SZT2: variants seen among roughly 807,000 people sequenced by gnomAD.
SZT2 encodes the protein KICSTOR complex protein SZT2.
In SZT2, 216 loss-of-function variants were observed where a neutral mutation model predicts 404.2. The observed-to-expected ratio is 0.53, with a 90% CI of 0.48 to 0.60. The LOEUF is 0.60. Among genes scored for constraint, SZT2 ranks in the 20% least tolerant of loss-of-function variants. The pLI, the probability that SZT2 is intolerant of heterozygous loss-of-function variation, is 0.00. For synonymous variants in SZT2, 1,693 were observed against 1,749.9 expected (o/e 0.97, Z 0.81); for missense variants, 3,857 against 4,459.2 (o/e 0.86, Z 3.85).
chr1:43,453,717 G>GCCCGCAC lies in SZT2; in HGVS notation c.*3240_*3246dup. 2 of 1,396,058 alleles carry GCCCGCAC rather than the reference G, an allele frequency of 1.4e-6. No homozygotes were observed. The highest frequency in any genetic ancestry group is 3.2e-5 in the South Asian group (2 of 62,852). The allele number at this position is 1,396,058 out of a possible 1,614,324, so 86.5% of individuals were successfully genotyped here. A position where few individuals can be genotyped will look rare whatever the true frequency, so the allele number is the denominator to read the frequency against. ...GGCCTCGAAGCCCGAGCTGCCCGCG[G>GCCCGCAC]CCCGCACCCGCGCGGGGAGGCCGGA... On this transcript the variant is annotated 3_prime_UTR_variant, in exon 72 of 72. Coordinates refer to ENST00000634258, the MANE Select transcript of SZT2 (RefSeq NM_001365999.1).
chr1:43,421,758 T>C (rs1381823769), intron 11 of SZT2, among the ~76,000 whole-genome samples: 1 of 152,246 alleles, frequency 6.6e-6, no homozygotes, highest in Non-Finnish European at 1.5e-5. Context: ...AGGTGGCTTA[T>C]GCTAGTGTGC....
In SZT2 at chr1:43,389,938, C is replaced by G. The variant is rs763537652; in HGVS notation, c.-31C>G. 3.4e-6 allele frequency: 5 copies of G among 1,479,806 alleles called. No homozygotes were observed. Among genetic ancestry groups the G allele is most frequent in the Non-Finnish European group, 3.6e-6 (4 of 1,115,546 alleles). The allele number at this position is 1,479,806 out of a possible 1,614,324, so 91.7% of individuals were successfully genotyped here. On this transcript the variant is annotated 5_prime_UTR_variant, in exon 1 of 72. Transcript: ENST00000634258. ...AGGGGTCAAGAGTGGAACACCCTCA[C>G]TGGCCCGGGCCGGCGCGGGAGGGCT...
chr1:43,443,281 G>T lies in SZT2; in HGVS notation c.8499+14G>T. 6.2e-7 allele frequency: 1 copy of T among 1,614,160 alleles called. No homozygotes were observed. Among genetic ancestry groups the T allele is most frequent in the Non-Finnish European group, 8.5e-7 (1 of 1,180,008 alleles). On this transcript the variant is annotated intron_variant, in intron 60 of 71. Coordinates refer to ENST00000634258, the MANE Select transcript of SZT2 (RefSeq NM_001365999.1). ...ATGCCCATCAGTGTGAGTGACCCCA[G>T]CTTGCATCTTCCTTGAGTATCTGTG...
chr1:43,432,188 G>C, intron 36 of SZT2, 84 bp from the exon 37 acceptor site: 1 of 1,398,038 alleles, frequency 7.2e-7, no homozygotes, highest in South Asian at 1.4e-5. Flanking sequence ...CAGGTAGTTA[G>C]GAGCGTCTCA....
At position 43,430,628 on chromosome 1, in the gene SZT2, A is replaced by G; in HGVS notation, c.4613A>G (p.Asn1538Ser). Reference protein sequence around the residue: ...SASLSDVDTVNPDEDSFSILG... With the variant: ...SASLSDVDTVSPDEDSFSILG... Reference sequence around the variant, plus strand: ...TCGCTGTCAGACGTAGACACTGTGAATCCTGATGAAGACTCCTTCAGTATC... The same window carrying G: ...TCGCTGTCAGACGTAGACACTGTGAGTCCTGATGAAGACTCCTTCAGTATC... The change falls in exon 32 of 72, where the codon AAT becomes AGT. Residue 1538 changes from asparagine (N) to serine (S), a missense_variant. This residue lies in a region of SZT2 where 1,725 missense variants were observed against 1,881.0 expected (regional missense o/e 0.92). Coordinates refer to ENST00000634258, the MANE Select transcript of SZT2 (RefSeq NM_001365999.1). 6.2e-7 allele frequency: 1 copy of G among 1,614,026 alleles called. No individual in the cohort carries two copies. Among genetic ancestry groups the G allele is most frequent in the Non-Finnish European group, 8.5e-7 (1 of 1,180,008 alleles).
Position 43,446,264 on chromosome 1 carries a change from G to A in SZT2, c.8997+5G>A. ...CTCATGGAACTGGCATTCCAGGTAA[G>A]CAGGAGGAGCACTGAGTGGAGACAG... On this transcript the variant is annotated splice_donor_5th_base_variant and intron_variant, in intron 64 of 71. Coordinates refer to ENST00000634258, the MANE Select transcript of SZT2 (RefSeq NM_001365999.1). 6.2e-7 allele frequency: 1 copy of A among 1,614,256 alleles called. No homozygotes were observed. The highest frequency in any genetic ancestry group is 8.5e-7 in the Non-Finnish European group (1 of 1,180,056).
At position 43,453,073 on chromosome 1, in the gene SZT2, C is replaced by T. The variant is rs928130528; in HGVS notation, c.*2593C>T. 1 of 923,764 alleles carries T rather than the reference C, an allele frequency of 1.1e-6. No homozygotes were observed. The highest frequency in any genetic ancestry group is 1.6e-5 in the African/African-American group (1 of 61,174). 57.2% of individuals were successfully genotyped at this position (923,764 alleles called of 1,614,324 possible). On this transcript the variant is annotated 3_prime_UTR_variant, in exon 72 of 72. Transcript: ENST00000634258. ...TGATCCAGACAGGGTTAGGTGCCTA[C>T]CCTGCTCCCACAGCTTCCTGGAATA... is the stretch of plus-strand genomic sequence containing the variant.
chr1:43,407,311 C>T (rs1325244910), intron 4 of SZT2, among the ~76,000 whole-genome samples: 1 of 152,102 alleles, frequency 6.6e-6, no homozygotes, highest in African/African-American at 2.4e-5. Flanking sequence ...TGAGACCAGC[C>T]TGGCCAATGT....
At position 43,453,746 on chromosome 1, in the gene SZT2, C is replaced by T. The variant is rs940299786; in HGVS notation, c.*3266C>T. 3.6e-6 allele frequency: 5 copies of T among 1,381,976 alleles called. No individual in the cohort carries two copies. The highest frequency in any genetic ancestry group is 4.6e-6 in the Non-Finnish European group (5 of 1,079,900). 85.6% of individuals were successfully genotyped at this position (1,381,976 alleles called of 1,614,324 possible). A position where few individuals can be genotyped will look rare whatever the true frequency, so the allele number is the denominator to read the frequency against. ...GCACCCGCGCGGGGAGGCCGGAGAG[C>T]TCGGGGAATAGCCAGGACAGATTGG... On this transcript the variant is annotated 3_prime_UTR_variant, in exon 72 of 72. Transcript: ENST00000634258.
Position 43,443,408 on chromosome 1 carries a change from A to C in SZT2, c.8556A>C (p.Thr2852=), listed in dbSNP as rs201027552. The change falls in exon 61 of 72, where the codon ACA becomes ACC. Residue 2852 remains threonine (T), a synonymous_variant. Transcript: ENST00000634258. The part of the protein sequence containing the change: ...QSSRLVHYCA[T]AMLFDPAAWL... ...CCCGCCTGGTGCATTACTGTGCAAC[A>C]GCCATGCTCTTCGACCCAGCTGCCT... is the stretch of plus-strand genomic sequence containing the variant. The C allele has an allele frequency of 5.4e-5, 87 of 1,614,088 alleles. No homozygotes were observed. In the Middle Eastern group the frequency reaches 6.6e-4, roughly 12 times the overall value.
chr1:43,397,739 G>A (rs2153928261), intron 1 of SZT2, among the ~76,000 whole-genome samples: 1 of 152,178 alleles, frequency 6.6e-6, no homozygotes. Context: ...ACATTGGCCA[G>A]GCTGGTCTCG....
At position 43,415,994 on chromosome 1, in the gene SZT2, TG is replaced by T. The variant is rs1651676743; in HGVS notation, c.668del (p.Gly223AlafsTer4). The T allele has an allele frequency of 6.3e-7, 1 of 1,598,022 alleles. No homozygotes were observed. The highest frequency in any genetic ancestry group is 1.3e-5 in the African/African-American group (1 of 74,914). ...EDQSPDSGDL[L>X]GRKVGVSMVT... ...CAGTCCCCAGACTCAGGGGACCTACTGGGCCGGAAGGTAGGCGTCTCCATGG... is the reference window on the plus strand; with the variant it reads ...CAGTCCCCAGACTCAGGGGACCTACTGGCCGGAAGGTAGGCGTCTCCATGG... On this transcript the variant is annotated frameshift_variant, in exon 6 of 72. Coordinates refer to ENST00000634258, the MANE Select transcript of SZT2 (RefSeq NM_001365999.1). LOFTEE classifies it high-confidence loss of function.
At chr1:43,403,100 T>G in intron 1 of SZT2, 77 bp from the exon 2 acceptor site, 1 of 1,526,066 alleles carries the variant, frequency 6.6e-7, no homozygotes, top group Non-Finnish European at 8.9e-7. Context: ...TTGGGCAAAT[T>G]ATTTGGACAG....
rs1570746930 is a variant in SZT2, at chr1:43,448,971, C to G, written c.10086+243C>G. ...AAGCCTTGGCTTGAGATCCTGAGGG[C>G]CAGGCTCTGGAACTGACAACCCAAG... is the stretch of plus-strand genomic sequence containing the variant. On this transcript the variant is annotated intron_variant, in intron 70 of 71. Transcript: ENST00000634258. This position sits in a 1 kb window ranked among gnomAD's most constrained non-coding sequence, Gnocchi z 4.2. The G allele has an allele frequency of 4.0e-6, 2 of 504,006 alleles. No homozygotes were observed. Among genetic ancestry groups the G allele is most frequent in the Admixed American group, 3.4e-5 (1 of 29,258 alleles). The allele number at this position is 504,006 out of a possible 1,614,324, so 31.2% of individuals were successfully genotyped here. A position where few individuals can be genotyped will look rare whatever the true frequency, so the allele number is the denominator to read the frequency against.
At chr1:43,419,694 C>T in intron 7 of SZT2, 40 bp from the exon 8 acceptor site, 1 of 1,530,650 alleles carries the variant, frequency 6.5e-7, no homozygotes, top group Non-Finnish European at 8.9e-7. Flanking sequence ...TCTCCTATGC[C>T]TCTGTCAGAG....
chr1:43,416,995 A>G (rs1651795243), intron 7 of SZT2, among the ~76,000 whole-genome samples: 1 of 152,220 alleles, frequency 6.6e-6, no homozygotes, highest in Non-Finnish European at 1.5e-5. Context: ...AGGCATAGCC[A>G]GGGACTGCAG....
intron 62 of SZT2, among the ~76,000 whole-genome samples, chr1:43,444,825 C>T (rs991177269): frequency 6.6e-6 from 1 of 152,196 alleles, no homozygotes; most frequent in Non-Finnish European, 1.5e-5. Flanking sequence ...TAGCTACTTT[C>T]GTGTCTCCAG....
At chr1:43,414,834 A>G (rs1651511305) in intron 4 of SZT2, among the ~76,000 whole-genome samples, 1 of 152,214 alleles carries the variant, frequency 6.6e-6, no homozygotes, top group Non-Finnish European at 1.5e-5. Context: ...GGGGAAGCCC[A>G]GTGTGGAGGA....
chr1:43,451,709 G>A lies in SZT2; in HGVS notation c.*1229G>A, dbSNP rs1374888289. 3 of 1,614,148 alleles carry A rather than the reference G, an allele frequency of 1.9e-6. No homozygotes were observed. Among genetic ancestry groups the A allele is most frequent in the African/African-American group, 1.3e-5 (1 of 75,040 alleles). On this transcript the variant is annotated 3_prime_UTR_variant, in exon 72 of 72. Transcript: ENST00000634258. ...GGTTCCCATCCATGATCTGCCAGTG[G>A]AATATGTCCTAGGGAAGAGGATACT... is the stretch of plus-strand genomic sequence containing the variant.
Sources: allele counts gnomAD v4.1 joint callset (sites outside exome capture counted in the v4.1 genomes callset), GRCh38; gene constraint gnomAD v4.1.1; regional missense constraint gnomAD v4.1.1; non-coding constraint Gnocchi (gnomAD v3.1); transcripts MANE v1.5; gene names NCBI Gene and HGNC (gene_info 2026-07-23, HGNC 2026-07-21).